Variants in GRID1 observed in about 807,000 individuals in gnomAD.
GRID1 encodes the protein glutamate receptor ionotropic, delta-1.
In GRID1, 28 loss-of-function variants were observed where a neutral mutation model predicts 98.0. The ratio of observed to expected loss-of-function variants is 0.29; its 90% CI spans 0.21 to 0.39. GRID1 has a LOEUF of 0.39. GRID1 is among the 10% of genes least tolerant of loss of function. The probability of loss-of-function intolerance (pLI) is 1.00; values close to 1 mark genes in which losing one functional copy is unlikely to be tolerated. For missense variants in GRID1, 1,111 were observed against 1,340.5 expected (o/e 0.83, Z 2.67); for synonymous variants, 553 against 538.5 (o/e 1.03, Z -0.37).
At chr10:86,282,227 C>T (rs557250540) in intron 2 of GRID1, among the ~76,000 whole-genome samples, 1 of 152,328 alleles carries the variant, frequency 6.6e-6, no homozygotes, top group African/African-American at 2.4e-5. Context: ...TGCCCTCCTG[C>T]TCCCATCCCA....
rs74638178 is a variant in GRID1, at chr10:86,013,948, C to T, written c.727-97709G>A. 5.1e-3 allele frequency among the ~76,000 whole-genome samples: 781 copies of T among 152,312 alleles called. 7 individuals carry two copies. Among genetic ancestry groups the T allele is most frequent in the African/African-American group, 0.018 (741 of 41,570 alleles). On this transcript the variant is annotated intron_variant, in intron 4 of 15. Coordinates refer to ENST00000327946, the MANE Select transcript of GRID1 (RefSeq NM_017551.3). ...AAAAACAAGATGCTGTCCCCTGCAT[C>T]CCATGTTATTCACAAAGAGGCACAA...
intron 14 of GRID1, among the ~76,000 whole-genome samples, chr10:85,619,148 G>T (rs909911864): frequency 2.0e-5 from 3 of 152,174 alleles, no homozygotes; most frequent in Non-Finnish European, 4.4e-5. Flanking sequence ...ATGGCCCAAG[G>T]CTTAGACACC....
At chr10:85,696,571 G>A (rs1332966606) in intron 12 of GRID1, among the ~76,000 whole-genome samples, 1 of 151,972 alleles carries the variant, frequency 6.6e-6, no homozygotes, top group African/African-American at 2.4e-5. Flanking sequence ...ATTTTTCTTG[G>A]TTAGTCTTGC....
At chr10:85,848,493 G>A (rs1843027547) in intron 8 of GRID1, among the ~76,000 whole-genome samples, 1 of 152,078 alleles carries the variant, frequency 6.6e-6, no homozygotes, top group Non-Finnish European at 1.5e-5. Context: ...AAGAAATGAG[G>A]AGATATTCCC....
intron 3 of GRID1, among the ~76,000 whole-genome samples, chr10:86,187,495 C>T (rs1845741737): frequency 6.6e-6 from 1 of 152,198 alleles, no homozygotes; most frequent in African/African-American, 2.4e-5. Context: ...ACACTATCCT[C>T]CCAGGGTTTT....
chr10:86,114,461 G>C (rs1844541819), intron 4 of GRID1, among the ~76,000 whole-genome samples: 1 of 152,150 alleles, frequency 6.6e-6, no homozygotes, highest in Non-Finnish European at 1.5e-5. Flanking sequence ...CCACAGATAA[G>C]AAACTCAGGG....
chr10:86,036,694 G>A (rs1843267111), intron 4 of GRID1, among the ~76,000 whole-genome samples: 1 of 152,182 alleles, frequency 6.6e-6, no homozygotes, highest in South Asian at 2.1e-4. Flanking sequence ...CAGCTGATAA[G>A]CAGGAAGGCT....
chr10:85,742,748 C>T (rs1841956619), intron 8 of GRID1, among the ~76,000 whole-genome samples: 1 of 152,124 alleles, frequency 6.6e-6, no homozygotes, highest in Admixed American at 6.5e-5. Context: ...ACTTCTCCAC[C>T]TCCTATCAGG....
chr10:85,976,026 A>T (rs971247346), intron 4 of GRID1, among the ~76,000 whole-genome samples: 1 of 152,164 alleles, frequency 6.6e-6, no homozygotes, highest in African/African-American at 2.4e-5. Flanking sequence ...TCACCTTACC[A>T]GCTCATCACG....
intron 12 of GRID1, among the ~76,000 whole-genome samples, chr10:85,720,512 T>A (rs1841688186): frequency 6.6e-6 from 1 of 152,026 alleles, no homozygotes; most frequent in Admixed American, 6.6e-5. Context: ...ACAATTTAGA[T>A]ACATACAAAT....
intron 4 of GRID1, among the ~76,000 whole-genome samples, chr10:86,035,387 G>T (rs555749330): frequency 1.3e-5 from 2 of 152,326 alleles, no homozygotes; most frequent in East Asian, 3.9e-4. Flanking sequence ...CCAAAAAAGG[G>T]TGTCTATTTT....
At chr10:86,078,970 A>G (rs1843926137) in intron 4 of GRID1, among the ~76,000 whole-genome samples, 2 of 152,204 alleles carry the variant, frequency 1.3e-5, no homozygotes, top group South Asian at 4.1e-4. Context: ...AGGGGGCTCA[A>G]CAGGCATAAG....
chr10:86,267,233 A>AG (rs1168113412), intron 2 of GRID1, among the ~76,000 whole-genome samples: 1 of 152,260 alleles, frequency 6.6e-6, no homozygotes, highest in African/African-American at 2.4e-5. Flanking sequence ...AGGCTTCAAA[A>AG]GGGCAGCTTG....
At chr10:86,151,202 G>A (rs544023990) in intron 3 of GRID1, among the ~76,000 whole-genome samples, 2 of 152,276 alleles carry the variant, frequency 1.3e-5, no homozygotes, top group African/African-American at 4.8e-5. Flanking sequence ...GAAGGGATGA[G>A]AAGGAGGCAG....
At position 86,031,908 on chromosome 10, in the gene GRID1, G is replaced by A. The variant is rs373467413; in HGVS notation, c.726+106911C>T. Among the ~76,000 whole-genome samples the A allele has an allele frequency of 8.5e-5, 13 of 152,216 alleles. No homozygotes were observed. In the East Asian group the frequency reaches 1.9e-3, roughly 23 times the overall value. On this transcript the variant is annotated intron_variant, in intron 4 of 15. Transcript: ENST00000327946. ...CACTGGCTGTTCCCTCTGCCTAAAT[G>A]TTCTTCCCCTACGTCCCATTGGTTC...
intron 2 of GRID1, among the ~76,000 whole-genome samples, chr10:86,247,964 T>C (rs1483564169): frequency 6.6e-6 from 1 of 152,174 alleles, no homozygotes; most frequent in Non-Finnish European, 1.5e-5. Context: ...AGAATGTGGT[T>C]ATGACCACCC....
intron 4 of GRID1, among the ~76,000 whole-genome samples, chr10:86,006,133 A>G (rs1205220746): frequency 6.6e-6 from 1 of 152,246 alleles, no homozygotes; most frequent in Non-Finnish European, 1.5e-5. Flanking sequence ...AGAATAGAAT[A>G]CAAAGTCCTA....
Position 85,602,324 on chromosome 10 carries a change from AGGCAC to A in GRID1, c.2974_2978del (p.Val992TrpfsTer67). 1 of 1,555,582 alleles carries A rather than the reference AGGCAC, an allele frequency of 6.4e-7. No homozygotes were observed. Among genetic ancestry groups the A allele is most frequent in the Non-Finnish European group, 8.7e-7 (1 of 1,149,712 alleles). On this transcript the variant is annotated frameshift_variant, in exon 16 of 16. Transcript: ENST00000327946. LOFTEE classifies it high-confidence loss of function. ...CCAGAGCCTCTGGAAGGACGCCTCC[AGGCAC>A]GGGCTGGAAGGACATGGGGATGGGG...
intron 12 of GRID1, among the ~76,000 whole-genome samples, chr10:85,684,972 G>C (rs1309297900): frequency 6.6e-6 from 1 of 152,190 alleles, no homozygotes; most frequent in Non-Finnish European, 1.5e-5. Flanking sequence ...TAAAGACTCT[G>C]TCTCCAGATA....
Sources: gnomAD v4.1 joint callset for allele counts (sites outside exome capture counted in the v4.1 genomes callset) on GRCh38, gnomAD v4.1.1 for gene constraint, MANE v1.5 for transcripts, NCBI Gene and HGNC (gene_info 2026-07-23, HGNC 2026-07-21) for gene names.